CA13: variants seen among roughly 807,000 people sequenced by gnomAD.
CA13 encodes CA-XIII.
Under a neutral mutation model 31.5 loss-of-function variants are expected in CA13, and 21 were observed. The observed-to-expected ratio is 0.67, with a 90% confidence interval of 0.47 to 0.96. The LOEUF is 0.96. CA13 is among the 40% of genes least tolerant of loss of function. The pLI, the probability that CA13 is intolerant of heterozygous loss-of-function variation, is 0.00. For missense variants in CA13, 315 were observed against 318.9 expected (o/e 0.99, Z 0.09); for synonymous variants, 117 against 111.4 (o/e 1.05, Z -0.32).
chr8:85,270,478 G>A (rs1157476298), intron 6 of CA13, among the ~76,000 whole-genome samples: 1 of 152,176 alleles, frequency 6.6e-6, no homozygotes, highest in East Asian at 1.9e-4. Flanking sequence ...AAACTCCTGT[G>A]AATTTTTTCT....
intron 6 of CA13, 67 bp downstream of exon 6, chr8:85,268,694 T>TTC: frequency 8.2e-7 from 1 of 1,226,388 alleles, no homozygotes; most frequent in Non-Finnish European, 1.1e-6. Context: ...TTTTTTTTTT[T>TTC]CAACCCTGCC....
At chr8:85,248,958 T>G (rs1397097291) in intron 1 of CA13, among the ~76,000 whole-genome samples, 1 of 152,186 alleles carries the variant, frequency 6.6e-6, no homozygotes, top group Non-Finnish European at 1.5e-5. Context: ...CTAGGTTATA[T>G]ATAGAAAAAG....
intron 6 of CA13, among the ~76,000 whole-genome samples, chr8:85,273,634 G>C (rs117476454): frequency 0.017 from 2,527 of 152,042 alleles, 216 homozygotes; most frequent in Admixed American, 0.14. Context: ...CCTGAAGACC[G>C]AGAGGGAGGC....
At chr8:85,280,057 G>T (rs1367017515) in intron 6 of CA13, among the ~76,000 whole-genome samples, 1 of 152,052 alleles carries the variant, frequency 6.6e-6, no homozygotes, top group Non-Finnish European at 1.5e-5. Context: ...TGAGGAGGGC[G>T]GATCATGAGG....
chr8:85,250,239 A>G (rs1370141138), intron 1 of CA13, among the ~76,000 whole-genome samples: 1 of 152,202 alleles, frequency 6.6e-6, no homozygotes, highest in African/African-American at 2.4e-5. Context: ...CCTGAGTGAC[A>G]CTAGACGATA....
intron 6 of CA13, among the ~76,000 whole-genome samples, chr8:85,271,482 C>T (rs150924466): frequency 4.5e-4 from 69 of 152,234 alleles, no homozygotes; most frequent in Non-Finnish European, 7.2e-4. Context: ...AACTGCCATG[C>T]CAGTGAGCAG....
At chr8:85,277,881 T>C (rs2130013005) in intron 6 of CA13, among the ~76,000 whole-genome samples, 1 of 152,290 alleles carries the variant, frequency 6.6e-6, no homozygotes, top group South Asian at 2.1e-4. Flanking sequence ...CCAGCTCTCT[T>C]CCTGCTTATG....
intron 1 of CA13, chr8:85,246,224 T>C (rs1453685416): frequency 4.2e-6 from 2 of 473,424 alleles, no homozygotes; most frequent in Non-Finnish European, 8.0e-6. Context: ...GATGACACAC[T>C]TCAGTGAAAT....
chr8:85,276,530 A>G (rs1033723668), intron 6 of CA13, among the ~76,000 whole-genome samples: 1 of 152,236 alleles, frequency 6.6e-6, no homozygotes, highest in African/African-American at 2.4e-5. Context: ...ATGTCTAGCT[A>G]AGGGATTGTA....
intron 3 of CA13, among the ~76,000 whole-genome samples, chr8:85,261,082 G>T (rs7008772): frequency 0.73 from 111,191 of 152,008 alleles, 41,290 homozygotes; most frequent in African/African-American, 0.82. Context: ...AGACTTTTTT[G>T]TTGTTGTTGT....
chr8:85,250,665 T>C, intron 1 of CA13, 75 bp from the exon 2 acceptor site: 1 of 869,702 alleles, frequency 1.1e-6, no homozygotes. Context: ...TCAAGCACAG[T>C]GTGTTATACT....
At position 85,245,741 on chromosome 8, in the gene CA13, T is replaced by C. The variant is rs1813712376; in HGVS notation, c.-88T>C. On this transcript the variant is annotated 5_prime_UTR_variant, in exon 1 of 7. Transcript: ENST00000321764. ...CCGCCGGCGCCCCGCGGTCCCGCCC[T>C]AGCAGGCTCCTTCCCGGGCCCCTCC... 26 of 1,504,078 alleles carry C rather than the reference T, an allele frequency of 1.7e-5. No individual in the cohort carries two copies. The highest frequency in any genetic ancestry group is 2.4e-5 in the Non-Finnish European group (26 of 1,082,608). The allele number at this position is 1,504,078 out of a possible 1,614,324, so 93.2% of individuals were successfully genotyped here. A position where few individuals can be genotyped will look rare whatever the true frequency, so the allele number is the denominator to read the frequency against.
intron 6 of CA13, among the ~76,000 whole-genome samples, chr8:85,274,237 G>A (rs1483315227): frequency 6.6e-6 from 1 of 152,152 alleles, no homozygotes; most frequent in Non-Finnish European, 1.5e-5. Context: ...ACATAGGGGT[G>A]GCGTGAGCAC....
rs965458847 is a variant in CA13, at chr8:85,245,541, C to G, written c.-288C>G. 7 of 445,116 alleles carry G rather than the reference C, an allele frequency of 1.6e-5. No individual in the cohort carries two copies. The highest frequency in any genetic ancestry group is 2.4e-5 in the Non-Finnish European group (6 of 249,562). 27.6% of individuals were successfully genotyped at this position (445,116 alleles called of 1,614,324 possible). On this transcript the variant is annotated 5_prime_UTR_variant, in exon 1 of 7. Transcript: ENST00000321764. ...GAAGGCAGGAGATCCCCCCCGGAAA[C>G]CTTTCTCTCTCCGTCTCTCCCTCTA...
At position 85,282,327 on chromosome 8, in the gene CA13, T is replaced by C. The variant is rs944620180; in HGVS notation, c.*978T>C. ...TGGCTATTTACACTGTAATGAATTA[T>C]ACCATATATGATATTCACTCAGTAA... On this transcript the variant is annotated 3_prime_UTR_variant, in exon 7 of 7. Coordinates refer to ENST00000321764, the MANE Select transcript of CA13 (RefSeq NM_198584.3). 3.1e-4 allele frequency: 47 copies of C among 152,658 alleles called. No homozygotes were observed. Among genetic ancestry groups the C allele is most frequent in the African/African-American group, 1.1e-3 (47 of 41,462 alleles). The allele number at this position is 152,658 out of a possible 1,614,324, so 9.5% of individuals were successfully genotyped here. A position where few individuals can be genotyped will look rare whatever the true frequency, so the allele number is the denominator to read the frequency against.
At chr8:85,265,686 T>C (rs1481410124) in intron 3 of CA13, among the ~76,000 whole-genome samples, 1 of 152,208 alleles carries the variant, frequency 6.6e-6, no homozygotes, top group Non-Finnish European at 1.5e-5. Context: ...ATCAAAATGA[T>C]AAGCATTTTT....
At chr8:85,246,295 G>A (rs1216503763) in intron 1 of CA13, 1 of 458,442 alleles carries the variant, frequency 2.2e-6, no homozygotes. Context: ...ACAAATCATA[G>A]AAAATCTTTA....
At chr8:85,273,650 G>A (rs1226065402) in intron 6 of CA13, among the ~76,000 whole-genome samples, 3 of 151,904 alleles carry the variant, frequency 2.0e-5, no homozygotes, top group Non-Finnish European at 2.9e-5. Context: ...GAGGCCATCC[G>A]GGTACTATGT....
intron 1 of CA13, among the ~76,000 whole-genome samples, chr8:85,247,218 G>A (rs1164811439): frequency 2.6e-5 from 4 of 152,018 alleles, no homozygotes; most frequent in Non-Finnish European, 5.9e-5. Context: ...GTTTTTATTG[G>A]AGTTATTTAA....
Sources: gnomAD v4.1 joint callset for allele counts (sites outside exome capture counted in the v4.1 genomes callset) on GRCh38, gnomAD v4.1.1 for gene constraint, MANE v1.5 for transcripts, NCBI Gene and HGNC (gene_info 2026-07-23, HGNC 2026-07-21) for gene names.